NF2: variants seen among roughly 807,000 people sequenced by gnomAD.
NF2 encodes merlin.
A neutral mutation model predicts 83.7 loss-of-function variants in NF2; 8 were observed. The observed-to-expected ratio is 0.10, with a 90% CI of 0.06 to 0.17. The LOEUF is 0.17. Ranked by LOEUF, NF2 falls within the 10% of genes least tolerant of loss-of-function variation. The pLI, the probability that NF2 is intolerant of heterozygous loss-of-function variation, is 1.00. For synonymous variants in NF2, 266 were observed against 269.6 expected, an observed-to-expected ratio of 0.99 and a Z score of 0.13; for missense variants, 533 against 744.4, an observed-to-expected ratio of 0.72 and a Z score of 3.31.
intron 1 of NF2, among the ~76,000 whole-genome samples, chr22:29,608,594 G>A (rs1004410264): frequency 2.0e-5 from 3 of 151,308 alleles, no homozygotes; most frequent in South Asian, 2.1e-4. Flanking sequence ...GCTTGAACCC[G>A]GGAGGCGGAG....
intron 15 of NF2, among the ~76,000 whole-genome samples, chr22:29,690,877 C>G (rs1212220701): frequency 6.6e-6 from 1 of 152,162 alleles, no homozygotes; most frequent in Non-Finnish European, 1.5e-5. Context: ...TATAGCCTGC[C>G]CAAGGAACTG....
At chr22:29,656,275 C>G (rs935029268) in intron 6 of NF2, among the ~76,000 whole-genome samples, 1 of 151,976 alleles carries the variant, frequency 6.6e-6, no homozygotes, top group Non-Finnish European at 1.5e-5. Context: ...GTATGGCTAT[C>G]CCATTGCTTT....
chr22:29,693,241 C>G (rs1268974240), intron 15 of NF2, among the ~76,000 whole-genome samples: 5 of 152,180 alleles, frequency 3.3e-5, no homozygotes, highest in African/African-American at 1.2e-4. Context: ...CAGCTCCCTT[C>G]TAGAGGGAGT....
intron 10 of NF2, among the ~76,000 whole-genome samples, chr22:29,670,215 C>T (rs542879190): frequency 6.6e-6 from 1 of 152,168 alleles, no homozygotes; most frequent in Non-Finnish European, 1.5e-5. Context: ...CCAGGCTGAT[C>T]TCAAACTCCT....
intron 12 of NF2, among the ~76,000 whole-genome samples, chr22:29,674,154 G>T (rs1472549012): frequency 6.6e-6 from 1 of 152,220 alleles, no homozygotes; most frequent in Non-Finnish European, 1.5e-5. Context: ...ATTCACTACA[G>T]TTTTCCTCAC....
At chr22:29,692,957 C>T (rs1253767337) in intron 15 of NF2, among the ~76,000 whole-genome samples, 1 of 152,180 alleles carries the variant, frequency 6.6e-6, no homozygotes, top group African/African-American at 2.4e-5. Context: ...CAGGGCCACA[C>T]AGCTGGTCAG....
At chr22:29,635,942 T>C (rs2146846080) in intron 1 of NF2, among the ~76,000 whole-genome samples, 1 of 152,292 alleles carries the variant, frequency 6.6e-6, no homozygotes, top group African/African-American at 2.4e-5. Flanking sequence ...AGCCACTAGG[T>C]GGCAACATTT....
At chr22:29,671,021 A>G (rs899413634) in intron 10 of NF2, among the ~76,000 whole-genome samples, 1 of 152,126 alleles carries the variant, frequency 6.6e-6, no homozygotes, top group Admixed American at 6.5e-5. Context: ...GAGTGGAGCT[A>G]TTGTTGATGA....
chr22:29,623,580 T>C (rs1190536671), intron 1 of NF2, among the ~76,000 whole-genome samples: 1 of 152,096 alleles, frequency 6.6e-6, no homozygotes, highest in Non-Finnish European at 1.5e-5. Context: ...TGACCAAGAA[T>C]GAGCAGAAGA....
chr22:29,677,566 G>A (rs139967073), intron 13 of NF2, among the ~76,000 whole-genome samples: 229 of 139,626 alleles, frequency 1.6e-3, no homozygotes, highest in African/African-American at 5.5e-3. Context: ...CCAAGCCCAA[G>A]CCCCTCGGTG....
chr22:29,660,411 A>G (rs944617169), intron 7 of NF2, among the ~76,000 whole-genome samples: 1 of 152,216 alleles, frequency 6.6e-6, no homozygotes, highest in Admixed American at 6.5e-5. Context: ...TATATGCACA[A>G]TCTAGATTCT....
rs778127814 is a variant in NF2 at position 29,681,548 on chromosome 22, C to T, written c.1684C>T (p.His562Tyr). Residue 562 changes from histidine to tyrosine, a missense_variant, in exon 15 of 16, where the codon CAC (histidine) becomes TAC (tyrosine). By Grantham distance (83) the His-to-Tyr change is moderately conservative. Around this residue, in one of 3 missense-constraint regions of NF2, gnomAD observed 199 missense variants for 240.7 expected, o/e 0.83. Coordinates refer to ENST00000338641, the MANE Select transcript of NF2 (RefSeq NM_000268.4). ...KERETALDILHNENSDRGGSS... is the reference protein window; with the variant it reads ...KERETALDILYNENSDRGGSS... ...GAGGGAGACAGCTCTGGATATTCTG[C>T]ACAATGAGAACTCCGACAGGGGTGG... 1 of 1,614,162 alleles carries T rather than the reference C, an allele frequency of 6.2e-7. No individual in the cohort carries two copies. The highest frequency in any genetic ancestry group is 8.5e-7 in the Non-Finnish European group (1 of 1,180,030).
chr22:29,675,034 G>A (rs1461735450), intron 13 of NF2, 93 bp downstream of exon 13: 12 of 1,104,464 alleles, frequency 1.1e-5, no homozygotes, highest in Non-Finnish European at 1.6e-5. Context: ...TGCCTTCAGG[G>A]TGACCATTCA....
chr22:29,644,223 T>A (rs1192434206), intron 4 of NF2, among the ~76,000 whole-genome samples: 6 of 103,214 alleles, frequency 5.8e-5, no homozygotes, highest in African/African-American at 1.2e-4. Context: ...CGGGCAGAGA[T>A]GCTCCTCACC....
At position 29,603,643 on chromosome 22, in the gene NF2, T is replaced by C. The variant is rs1326390608; in HGVS notation, c.-356T>C. 2.5e-6 allele frequency: 1 copy of C among 407,064 alleles called. No individual in the cohort carries two copies. The highest frequency in any genetic ancestry group is 2.1e-5 in the African/African-American group (1 of 48,600). 25.2% of individuals were successfully genotyped at this position (407,064 alleles called of 1,614,324 possible). A position where few individuals can be genotyped will look rare whatever the true frequency, so the allele number is the denominator to read the frequency against. On this transcript the variant is annotated 5_prime_UTR_variant, in exon 1 of 16. Coordinates refer to ENST00000338641, the MANE Select transcript of NF2 (RefSeq NM_000268.4). ...ATGCAGCGCGGCCCCGTGACCCTAG[T>C]CGGCCGCTGAGAGGCGCGCGGAGTC...
At chr22:29,627,093 G>A (rs1312967702) in intron 1 of NF2, among the ~76,000 whole-genome samples, 2 of 152,148 alleles carry the variant, frequency 1.3e-5, no homozygotes, top group Non-Finnish European at 2.9e-5. Context: ...AACTAAAGGT[G>A]AAGTCATTTA....
At chr22:29,643,542 A>C (rs565208702) in intron 4 of NF2, among the ~76,000 whole-genome samples, 99 of 152,254 alleles carry the variant, frequency 6.5e-4, no homozygotes, top group African/African-American at 2.2e-3. Flanking sequence ...CACATCTTGC[A>C]CCGCCCTTAA....
intron 1 of NF2, among the ~76,000 whole-genome samples, chr22:29,618,645 A>G (rs567838952): frequency 6.8e-4 from 103 of 152,334 alleles, no homozygotes; most frequent in Non-Finnish European, 1.3e-3. Context: ...TTACTCTAAT[A>G]ATTCAATCTA....
intron 3 of NF2, among the ~76,000 whole-genome samples, chr22:29,640,900 G>A (rs559459058): frequency 7.9e-5 from 12 of 152,126 alleles, no homozygotes; most frequent in African/African-American, 2.2e-4. Context: ...TTGGGAGGCC[G>A]AGGCGGGTGG....
Sources: allele counts gnomAD v4.1 joint callset (sites outside exome capture counted in the v4.1 genomes callset), GRCh38; gene constraint gnomAD v4.1.1; regional missense constraint gnomAD v4.1.1; transcripts MANE v1.5; gene names NCBI Gene and HGNC (gene_info 2026-07-23, HGNC 2026-07-21).